DST: variants seen among roughly 807,000 people sequenced by gnomAD.
The protein encoded by DST is bullous pemphigoid antigen.
Under a neutral mutation model 875.2 loss-of-function variants are expected in DST, and 253 were observed. That is an observed-to-expected ratio of 0.29 (90% confidence interval 0.26 to 0.32). The LOEUF (loss-of-function observed/expected upper bound fraction) is 0.32, where lower values mean the gene tolerates loss of function less well. Among genes scored for constraint, DST ranks in the 10% least tolerant of loss-of-function variants. The pLI is 1.00. For synonymous variants in DST, 3,124 were observed against 3,197.1 expected (o/e 0.98, Z 0.77); for missense variants, 8,287 against 9,111.6 (o/e 0.91, Z 3.68).
chr6:56,771,989 G>A (rs2099667341), intron 4 of DST, among the ~76,000 whole-genome samples: 1 of 152,132 alleles, frequency 6.6e-6, no homozygotes, highest in African/African-American at 2.4e-5. Context: ...ATACTCCAGT[G>A]AGAAAATAAA....
chr6:56,529,821 C>T, intron 65 of DST, 47 bp from the exon 66 acceptor site: 1 of 1,456,790 alleles, frequency 6.9e-7, no homozygotes, highest in Non-Finnish European at 9.1e-7. Flanking sequence ...AAAGAATGGA[C>T]AAATAAAAAT....
At position 56,560,156 on chromosome 6, in the gene DST, T is replaced by C. The variant is rs187948325; in HGVS notation, c.14440+138A>G. 155 of 857,774 alleles carry C rather than the reference T, an allele frequency of 1.8e-4. 1 individual carries two copies. In the African/African-American group the frequency reaches 2.2e-3, roughly 12 times the overall value. The allele number at this position is 857,774 out of a possible 1,614,324, so 53.1% of individuals were successfully genotyped here. On this transcript the variant is annotated intron_variant, in intron 58 of 103. Coordinates refer to ENST00000680361, the MANE Select transcript of DST (RefSeq NM_001374736.1). ...CAATATAATTTGAAATGACACTTTA[T>C]GCAAAAAATAGATTCTGAAACATTA...
At chr6:56,916,987 T>TAAAAAA (rs1161421788) in intron 2 of DST, among the ~76,000 whole-genome samples, 7 of 35,558 alleles carry the variant, frequency 2.0e-4, no homozygotes, top group African/African-American at 6.8e-4. Flanking sequence ...CCAGGCATGC[T>TAAAAAA]AAAAAAAAAA....
chr6:56,862,750 G>T (rs895318544), intron 3 of DST, among the ~76,000 whole-genome samples: 1 of 152,132 alleles, frequency 6.6e-6, no homozygotes, highest in Non-Finnish European at 1.5e-5. Flanking sequence ...GAATGGAGAG[G>T]ATGAATTTGA....
chr6:56,485,571 G>A (rs1562294250), intron 87 of DST, 100 bp from the exon 88 acceptor site: 2 of 1,131,902 alleles, frequency 1.8e-6, no homozygotes, highest in Non-Finnish European at 2.5e-6. Context: ...GGTACTCAAG[G>A]GGAAGAGCAG....
At chr6:56,903,812 C>A (rs1363990381) in intron 2 of DST, among the ~76,000 whole-genome samples, 1 of 152,118 alleles carries the variant, frequency 6.6e-6, no homozygotes, top group Non-Finnish European at 1.5e-5. Context: ...ATCTTCATTC[C>A]ACCTTAACAT....
intron 48 of DST, among the ~76,000 whole-genome samples, chr6:56,593,238 G>A (rs2098312719): frequency 6.6e-6 from 1 of 152,072 alleles, no homozygotes; most frequent in African/African-American, 2.4e-5. Flanking sequence ...AGAGAAGGCT[G>A]GGCACTGTGG....
intron 4 of DST, among the ~76,000 whole-genome samples, chr6:56,815,483 T>C (rs1432688007): frequency 6.6e-6 from 1 of 152,210 alleles, no homozygotes; most frequent in African/African-American, 2.4e-5. Flanking sequence ...GTTTGTCATC[T>C]TTTTCCAAAA....
chr6:56,696,094 C>A (rs1303738487), intron 9 of DST, among the ~76,000 whole-genome samples: 3 of 152,122 alleles, frequency 2.0e-5, no homozygotes, highest in Non-Finnish European at 4.4e-5. Context: ...TTTGTTACAT[C>A]ATCTTATAAT....
intron 57 of DST, among the ~76,000 whole-genome samples, chr6:56,560,814 T>G (rs577308992): frequency 7.2e-5 from 11 of 152,294 alleles, no homozygotes; most frequent in South Asian, 2.1e-4. Context: ...ACACTTTTTT[T>G]GGGCAACACA....
In DST at chr6:56,608,118, G is replaced by A. The variant is rs554539791; in HGVS notation, c.6510C>T (p.Pro2170=). The A allele has an allele frequency of 1.9e-6, 3 of 1,613,510 alleles. No individual in the cohort carries two copies. Among genetic ancestry groups the A allele is most frequent in the South Asian group, 1.1e-5 (1 of 91,078 alleles). The change falls in exon 40 of 104, where the codon CCC becomes CCT. Residue 2170 remains proline (P), a synonymous_variant. Coordinates refer to ENST00000680361, the MANE Select transcript of DST (RefSeq NM_001374736.1). ...RRWLSFCKFQ[P]STVHDYRQEE... is the part of the protein sequence containing the mutation. ...CTTGTCTGTAATCATGAACTGTGGA[G>A]GGTTGAAATTTACAAAAAGAGAGCC...
At chr6:56,468,441 A>G (rs191041159) in intron 98 of DST, among the ~76,000 whole-genome samples, 1 of 152,212 alleles carries the variant, frequency 6.6e-6, no homozygotes, top group African/African-American at 2.4e-5. Context: ...CTACTCAGAG[A>G]TGCCAAGCCC....
chr6:56,479,359 A>C (rs1454046974), intron 90 of DST, among the ~76,000 whole-genome samples: 1 of 152,240 alleles, frequency 6.6e-6, no homozygotes. Flanking sequence ...TATGAAAAAC[A>C]GTATGAAAAT....
chr6:56,720,381 AT>A (rs2099410387), intron 5 of DST, among the ~76,000 whole-genome samples: 1 of 129,756 alleles, frequency 7.7e-6, no homozygotes, highest in Non-Finnish European at 1.6e-5. Flanking sequence ...TTTATTGATC[AT>A]TCTTGGGTGT....
intron 4 of DST, among the ~76,000 whole-genome samples, chr6:56,756,287 G>T (rs568415237): frequency 1.7e-3 from 257 of 152,230 alleles, no homozygotes; most frequent in Admixed American, 3.5e-3. Context: ...AGCAGGGAGA[G>T]GGGGCTCTCT....
chr6:56,837,965 C>T (rs949890957), intron 4 of DST, among the ~76,000 whole-genome samples: 1 of 135,384 alleles, frequency 7.4e-6, no homozygotes, highest in African/African-American at 2.6e-5. Context: ...TGATCACTTA[C>T]TGAAACAATG....
intron 2 of DST, among the ~76,000 whole-genome samples, chr6:56,911,880 G>C (rs553288528): frequency 2.6e-5 from 4 of 152,100 alleles, no homozygotes; most frequent in African/African-American, 9.7e-5. Context: ...TTCTTTCCTG[G>C]TCGACCTCTG....
At chr6:56,788,884 T>C (rs1041689477) in intron 4 of DST, among the ~76,000 whole-genome samples, 1 of 152,252 alleles carries the variant, frequency 6.6e-6, no homozygotes, top group African/African-American at 2.4e-5. Context: ...GTTAAACTTT[T>C]GTACACATGC....
chr6:56,862,317 C>T (rs911109927), intron 3 of DST, among the ~76,000 whole-genome samples: 2 of 152,068 alleles, frequency 1.3e-5, no homozygotes, highest in Admixed American at 1.3e-4. Context: ...AATGTATTTC[C>T]TTTCTTGCTT....
Sources: gnomAD v4.1 joint callset for allele counts (sites outside exome capture counted in the v4.1 genomes callset) on GRCh38, gnomAD v4.1.1 for gene constraint, MANE v1.5 for transcripts, NCBI Gene and HGNC (gene_info 2026-07-23, HGNC 2026-07-21) for gene names.